PIKFYVE: variants seen among roughly 807,000 people sequenced by gnomAD.
PIKFYVE encodes the protein 1-phosphatidylinositol 3-phosphate 5-kinase.
A neutral mutation model predicts 257.9 loss-of-function variants in PIKFYVE; 122 were observed. The ratio of observed to expected loss-of-function variants is 0.47; its 90% CI spans 0.41 to 0.55. PIKFYVE has a LOEUF of 0.55. Among genes scored for constraint, PIKFYVE ranks in the 20% least tolerant of loss-of-function variants. PIKFYVE has a pLI of 0.00. For missense variants in PIKFYVE, 2,160 were observed against 2,536.6 expected, an observed-to-expected ratio of 0.85 and a Z score of 3.19; for synonymous variants, 892 against 868.9, an observed-to-expected ratio of 1.03 and a Z score of -0.47.
intron 17 of PIKFYVE, among the ~76,000 whole-genome samples, chr2:208,323,251 T>C (rs1415215999): frequency 7.4e-6 from 1 of 135,380 alleles, no homozygotes; most frequent in Admixed American, 7.3e-5. Flanking sequence ...CTAATGCTAT[T>C]CCTCCCCCCT....
intron 15 of PIKFYVE, among the ~76,000 whole-genome samples, chr2:208,315,886 T>C (rs1171354524): frequency 6.6e-6 from 1 of 151,672 alleles, no homozygotes; most frequent in Non-Finnish European, 1.5e-5. Context: ...TTTTTAATTA[T>C]TATTATACTT....
chr2:208,298,183 C>T lies in PIKFYVE; in HGVS notation c.912-458C>T, dbSNP rs567192318. 9.9e-5 allele frequency among the ~76,000 whole-genome samples: 15 copies of T among 152,214 alleles called. No homozygotes were observed. In the South Asian group the frequency reaches 2.7e-3, roughly 27 times the overall value. ...AGAAGGCTAGATTTGGCCTGTGGGC[C>T]ATAGTTTCCTGACTCTGATCTGCAA... On this transcript the variant is annotated intron_variant, in intron 7 of 41. Transcript: ENST00000264380.
intron 20 of PIKFYVE, among the ~76,000 whole-genome samples, chr2:208,327,358 C>A (rs1697047204): frequency 6.6e-6 from 1 of 152,034 alleles, no homozygotes; most frequent in South Asian, 2.1e-4. Context: ...ATCTATCCTG[C>A]AGAAATAATT....
At chr2:208,354,532 C>T (rs761262759) in intron 40 of PIKFYVE, 39 bp from the exon 41 acceptor site, 2 of 1,488,550 alleles carry the variant, frequency 1.3e-6, no homozygotes, top group Non-Finnish European at 1.9e-6. Context: ...TATTTATTAA[C>T]ATAGCTTTAT....
chr2:208,317,204 A>G (rs1454307777), intron 15 of PIKFYVE, among the ~76,000 whole-genome samples: 13 of 151,800 alleles, frequency 8.6e-5, no homozygotes, highest in Middle Eastern at 3.4e-3. Context: ...GCAACCTACA[A>G]AATGGGAGAA....
intron 33 of PIKFYVE, 40 bp downstream of exon 33, chr2:208,345,234 T>A (rs1382323635): frequency 6.7e-7 from 1 of 1,486,054 alleles, no homozygotes; most frequent in East Asian, 2.3e-5. Flanking sequence ...AATTTAGTTA[T>A]GTTATCATTT....
At chr2:208,273,528 C>T in intron 2 of PIKFYVE, 56 bp from the exon 3 acceptor site, 1 of 1,608,720 alleles carries the variant, frequency 6.2e-7, no homozygotes, top group Admixed American at 1.7e-5. Context: ...CATCTACTTC[C>T]TTCTCATTGC....
At chr2:208,288,912 G>T in intron 7 of PIKFYVE, 94 bp downstream of exon 7, 1 of 1,452,062 alleles carries the variant, frequency 6.9e-7, no homozygotes, top group Non-Finnish European at 9.6e-7. Context: ...GGGATTGATT[G>T]TCATATACTT....
At position 208,321,702 on chromosome 2, in the gene PIKFYVE, C is replaced by T. The variant is rs558573085; in HGVS notation, c.2190+1343C>T. ...AAGCTATTCTCCTGCCTCAGCCTCT[C>T]GAGTAGCTGGGATTACAGGTGCCTG... On this transcript the variant is annotated intron_variant, in intron 17 of 41. Coordinates refer to ENST00000264380, the MANE Select transcript of PIKFYVE (RefSeq NM_015040.4). 2.2e-4 allele frequency among the ~76,000 whole-genome samples: 33 copies of T among 151,690 alleles called. 1 individual carries two copies. Among genetic ancestry groups the T allele is most frequent in the Non-Finnish European group, 3.8e-4 (26 of 67,924 alleles).
rs879093638 is a variant in PIKFYVE at position 208,355,400 on chromosome 2, C to G, written c.*95C>G. 1.4e-4 allele frequency: 131 copies of G among 956,386 alleles called. 4 individuals are homozygous for G. In the South Asian group the frequency reaches 1.8e-3, roughly 13 times the overall value. The allele number at this position is 956,386 out of a possible 1,614,324, so 59.2% of individuals were successfully genotyped here. A position where few individuals can be genotyped will look rare whatever the true frequency, so the allele number is the denominator to read the frequency against. On this transcript the variant is annotated 3_prime_UTR_variant, in exon 42 of 42. Transcript: ENST00000264380. ...ACATGTTTTATTTCTTCATCGTGTT[C>G]ACCACTGTATGCCAAGGCTTTTCAG... is the stretch of plus-strand genomic sequence containing the variant.
chr2:208,328,386 C>T, intron 21 of PIKFYVE, 106 bp downstream of exon 21: 2 of 1,293,436 alleles, frequency 1.5e-6, no homozygotes, highest in Non-Finnish European at 2.2e-6. Context: ...TTTAGGTACA[C>T]AGCACACTGC....
intron 3 of PIKFYVE, among the ~76,000 whole-genome samples, chr2:208,275,724 A>G (rs990352007): frequency 1.3e-5 from 2 of 152,128 alleles, no homozygotes; most frequent in African/African-American, 2.4e-5. Flanking sequence ...AACAGCACCT[A>G]TCTAGCAAAT....
Position 208,330,596 on chromosome 2 carries a change from C to G in PIKFYVE, c.3865C>G (p.Gln1289Glu), listed in dbSNP as rs896065087. Residue 1289 changes from glutamine (Q) to glutamate (E), a missense_variant, in exon 23 of 42, where the codon CAA becomes GAA. Physicochemically the swap from Gln to Glu is conservative, Grantham distance 29. Transcript: ENST00000264380. ...TCATATTCGGCGCTTTGTTCATGGC[C>G]AAGGCTGTGTGCAGATAATCCTGAA... ...VHHIRRFVHG[Q>E]GCVQIILKEL... 7 of 1,614,122 alleles carry G rather than the reference C, an allele frequency of 4.3e-6. No homozygotes were observed. In the South Asian group the frequency reaches 6.6e-5, roughly 15 times the overall value.
chr2:208,352,934 C>A, intron 39 of PIKFYVE, 152 bp downstream of exon 39: 1 of 951,798 alleles, frequency 1.1e-6, no homozygotes, highest in Non-Finnish European at 1.6e-6. Context: ...CTTGCTCAGC[C>A]TTGGAGAAAG....
intron 32 of PIKFYVE, among the ~76,000 whole-genome samples, chr2:208,344,306 T>G (rs1418685592): frequency 1.3e-5 from 2 of 152,206 alleles, no homozygotes; most frequent in African/African-American, 4.8e-5. Flanking sequence ...AGATATTGGA[T>G]GTACAGGAGT....
chr2:208,283,024 T>G (rs977180217), intron 5 of PIKFYVE, among the ~76,000 whole-genome samples: 6 of 152,162 alleles, frequency 3.9e-5, no homozygotes, highest in African/African-American at 1.4e-4. Context: ...CGTTTGTGTA[T>G]GGCTTGTGTG....
intron 17 of PIKFYVE, 37 bp from the exon 18 acceptor site, chr2:208,324,105 T>G: frequency 6.2e-7 from 1 of 1,603,366 alleles, no homozygotes; most frequent in South Asian, 1.1e-5. Flanking sequence ...GATACTGCAT[T>G]TTACCAGGTG....
At chr2:208,303,994 G>GT (rs1214300194) in intron 10 of PIKFYVE, among the ~76,000 whole-genome samples, 177 bp from the exon 11 acceptor site, 1 of 152,172 alleles carries the variant, frequency 6.6e-6, no homozygotes, top group East Asian at 1.9e-4. Context: ...ATTTTAAAGA[G>GT]TGGAATTGTC....
In PIKFYVE at chr2:208,335,861, C is replaced by T. The variant is rs1553525552; in HGVS notation, c.4325C>T (p.Thr1442Ile). ...ASLKTDTFSK[T>I]REEKMEDIFA... The stretch of plus-strand genomic sequence containing the variant: ...TTGAAAACTGATACATTTAGTAAAA[C>T]AAGAGAGGAAAAAATGGAAGATATT... Residue 1442 changes from threonine to isoleucine, a missense_variant, in exon 26 of 42, where the codon ACA becomes ATA. Around this residue, in one of 12 missense-constraint regions of PIKFYVE, gnomAD observed 699 missense variants for 855.8 expected, o/e 0.82. Transcript: ENST00000264380. 1.2e-5 allele frequency: 20 copies of T among 1,612,212 alleles called. No homozygotes were observed. Among genetic ancestry groups the T allele is most frequent in the Non-Finnish European group, 1.5e-5 (18 of 1,179,002 alleles).
Sources: allele counts gnomAD v4.1 joint callset (sites outside exome capture counted in the v4.1 genomes callset), GRCh38; gene constraint gnomAD v4.1.1; regional missense constraint gnomAD v4.1.1; transcripts MANE v1.5; gene names NCBI Gene and HGNC (gene_info 2026-07-23, HGNC 2026-07-21).